Variants in PMP2 observed in about 807,000 individuals in gnomAD.
PMP2 encodes the protein peripheral myelin protein 2.
PMP2 carries 11 observed loss-of-function variants against 15.9 expected under a neutral mutation model. That is an observed-to-expected ratio of 0.69 (90% confidence interval 0.44 to 1.14). PMP2 has a LOEUF of 1.14. Among genes scored for constraint, PMP2 ranks in the 50% most tolerant of loss-of-function variants. The pLI, the probability that PMP2 is intolerant of heterozygous loss-of-function variation, is 0.00. For missense variants in PMP2, 151 were observed against 154.0 expected, an observed-to-expected ratio of 0.98 and a Z score of 0.10; for synonymous variants, 55 against 54.1, an observed-to-expected ratio of 1.02 and a Z score of -0.07.
intron 3 of PMP2, among the ~76,000 whole-genome samples, chr8:81,443,654 A>AT (rs957956671): frequency 8.5e-5 from 13 of 152,162 alleles, no homozygotes; most frequent in African/African-American, 2.9e-4. Context: ...CTGTAAAGGA[A>AT]TTTTTTTAAG....
In PMP2 at chr8:81,443,250, G is replaced by C; in HGVS notation, c.*148C>G. The C allele has an allele frequency of 1.9e-6, 1 of 530,476 alleles. No homozygotes were observed. The highest frequency in any genetic ancestry group is 1.9e-5 in the African/African-American group (1 of 51,404). The allele number at this position is 530,476 out of a possible 1,614,324, so 32.9% of individuals were successfully genotyped here. ...AATGTTTAAATAACACTGACTTTTA[G>C]ATTAATTCTCAGTTTAGGCCTTTGC... is the stretch of plus-strand genomic sequence containing the variant. On this transcript the variant is annotated 3_prime_UTR_variant, in exon 4 of 4. Transcript: ENST00000256103.
chr8:81,446,594 T>C (rs1016442892), intron 1 of PMP2, among the ~76,000 whole-genome samples: 41 of 152,218 alleles, frequency 2.7e-4, no homozygotes, highest in African/African-American at 9.6e-4. Flanking sequence ...TCTTCATATC[T>C]ATTGTGTTTA....
chr8:81,442,567 T>C lies in PMP2; in HGVS notation c.*831A>G, dbSNP rs560780375. Reference sequence around the variant, plus strand: ...AACAAACTACAGCTGCATGCAACAATGTGGATGTATCACAAAAACATGATG... The same window carrying C: ...AACAAACTACAGCTGCATGCAACAACGTGGATGTATCACAAAAACATGATG... On this transcript the variant is annotated 3_prime_UTR_variant, in exon 4 of 4. Coordinates refer to ENST00000256103, the MANE Select transcript of PMP2 (RefSeq NM_002677.5). The C allele has an allele frequency of 6.6e-6, 1 of 152,582 alleles. No homozygotes were observed. Among genetic ancestry groups the C allele is most frequent in the African/African-American group, 2.4e-5 (1 of 41,538 alleles). 9.5% of individuals were successfully genotyped at this position (152,582 alleles called of 1,614,324 possible).
At position 81,440,409 on chromosome 8, in the gene PMP2, C is replaced by T. The variant is rs758740603; in HGVS notation, c.*2989G>A. On this transcript the variant is annotated 3_prime_UTR_variant, in exon 4 of 4. Transcript: ENST00000256103. ...TATCACAAATCTCTAAAAATAACAA[C>T]GCAGTTTTTAAACTCGTATTTTGTG... 25 of 152,064 alleles carry T rather than the reference C, an allele frequency of 1.6e-4. No individual in the cohort carries two copies. Among genetic ancestry groups the T allele is most frequent in the Non-Finnish European group, 2.5e-4 (17 of 68,016 alleles). The allele number at this position is 152,064 out of a possible 1,614,324, so 9.4% of individuals were successfully genotyped here. A position where few individuals can be genotyped will look rare whatever the true frequency, so the allele number is the denominator to read the frequency against.
intron 1 of PMP2, among the ~76,000 whole-genome samples, chr8:81,446,417 C>T (rs1807451110): frequency 6.6e-6 from 1 of 152,160 alleles, no homozygotes; most frequent in African/African-American, 2.4e-5. Context: ...TCTTACTGTT[C>T]CAGGCAACAA....
rs777465835 is a variant in PMP2, at chr8:81,440,632, C to A, written c.*2766G>T. 6.6e-6 allele frequency: 1 copy of A among 152,060 alleles called. No homozygotes were observed. The highest frequency in any genetic ancestry group is 2.4e-5 in the African/African-American group (1 of 41,398). 9.4% of individuals were successfully genotyped at this position (152,060 alleles called of 1,614,324 possible). ...GACTGTCTCAAAGAAAACACATATA[C>A]CTTTTGCTCAGATTATTGTTAAATT... On this transcript the variant is annotated 3_prime_UTR_variant, in exon 4 of 4. Coordinates refer to ENST00000256103, the MANE Select transcript of PMP2 (RefSeq NM_002677.5).
chr8:81,445,833 G>GA (rs1270821624), intron 1 of PMP2, among the ~76,000 whole-genome samples: 2 of 151,682 alleles, frequency 1.3e-5, no homozygotes, highest in African/African-American at 2.4e-5. Context: ...TAGCTGGTAG[G>GA]AAAAAAACTA....
rs1807367464 is a variant in PMP2 at position 81,442,467 on chromosome 8, C to T, written c.*931G>A. The T allele has an allele frequency of 1.3e-5, 2 of 152,414 alleles. No individual in the cohort carries two copies. The highest frequency in any genetic ancestry group is 2.9e-5 in the Non-Finnish European group (2 of 67,942). 9.4% of individuals were successfully genotyped at this position (152,414 alleles called of 1,614,324 possible). On this transcript the variant is annotated 3_prime_UTR_variant, in exon 4 of 4. Coordinates refer to ENST00000256103, the MANE Select transcript of PMP2 (RefSeq NM_002677.5). The stretch of plus-strand genomic sequence containing the variant: ...CATAGCAGCCGAAAATTAGAAATAG[C>T]TCAATTGTCTTAATAGTAGAATGGA...
chr8:81,443,717 T>C (rs1335466696), intron 3 of PMP2, among the ~76,000 whole-genome samples: 1 of 152,096 alleles, frequency 6.6e-6, no homozygotes, highest in Non-Finnish European at 1.5e-5. Context: ...AAGACAGTGG[T>C]TTTCAAAAAT....
intron 3 of PMP2, among the ~76,000 whole-genome samples, chr8:81,443,979 AT>A (rs1405013397): frequency 3.3e-5 from 5 of 152,046 alleles, no homozygotes; most frequent in African/African-American, 7.2e-5. Flanking sequence ...AAAAAAAAAA[AT>A]CATCAAAGGT....
intron 3 of PMP2, 23 bp from the exon 4 acceptor site, chr8:81,443,471 TG>T: frequency 6.5e-7 from 1 of 1,528,786 alleles, no homozygotes. Context: ...AGAGGTTAAT[TG>T]AGTATCTCAA....
chr8:81,444,933 T>G lies in PMP2; in HGVS notation c.130A>C (p.Ser44Arg), dbSNP rs367715450. ...ATAGTTATAATATCTCCTTTCTTGC[T>G]GATGATCACAGTGGGTTTGGCCAAA... The part of the protein sequence containing the change: ...GNLAKPTVII[S>R]KKGDIITIRT... Residue 44 changes from serine to arginine, a missense_variant, in exon 2 of 4, where the codon AGC becomes CGC. By Grantham distance (110) the Ser-to-Arg change is moderately radical (BLOSUM62 -1). Coordinates refer to ENST00000256103, the MANE Select transcript of PMP2 (RefSeq NM_002677.5). 3.7e-5 allele frequency: 60 copies of G among 1,613,916 alleles called. 1 individual carries two copies. The highest frequency in any genetic ancestry group is 5.9e-6 in the Non-Finnish European group (7 of 1,179,908).
Position 81,444,896 on chromosome 8 carries a change from CT to C in PMP2, c.166del (p.Ser56ValfsTer12), listed in dbSNP as rs1423360197. ...KGDIITIRTE[S>X]TFKNTEISFK... ...GGAGATTTCTGTATTTTTAAAGGTA[CT>C]TTCAGTTCGTATAGTTATAATATCT... On this transcript the variant is annotated frameshift_variant, in exon 2 of 4. Coordinates refer to ENST00000256103, the MANE Select transcript of PMP2 (RefSeq NM_002677.5). LOFTEE classifies it high-confidence loss of function. 1 of 1,613,688 alleles carries C rather than the reference CT, an allele frequency of 6.2e-7. No individual in the cohort carries two copies. The highest frequency in any genetic ancestry group is 8.5e-7 in the Non-Finnish European group (1 of 1,179,584).
Position 81,443,432 on chromosome 8 carries a change from C to A in PMP2, c.365G>T (p.Gly122Val). 1 of 1,600,224 alleles carries A rather than the reference C, an allele frequency of 6.2e-7. No homozygotes were observed. The highest frequency in any genetic ancestry group is 8.5e-7 in the Non-Finnish European group (1 of 1,172,720). The change falls in exon 4 of 4, where the codon GGC becomes GTC. Residue 122 changes from glycine to valine, a missense_variant. Physicochemically the swap from Gly to Val is moderately radical, Grantham distance 109. Transcript: ENST00000256103. ...GKMVAECKMK[G>V]VVCTRIYEKV is the part of the protein sequence containing the mutation. Reference sequence around the variant, plus strand: ...CTCATAGATTCTGGTGCACACCACGCCCTTCATTTTACATTCCTTAAAAAA... The same window carrying A: ...CTCATAGATTCTGGTGCACACCACGACCTTCATTTTACATTCCTTAAAAAA...
Position 81,443,393 on chromosome 8 carries a change from A to T in PMP2, c.*5T>A. On this transcript the variant is annotated 3_prime_UTR_variant, in exon 4 of 4. Transcript: ENST00000256103. The stretch of plus-strand genomic sequence containing the variant: ...AAAAAGCCACTTCAATGAAGAAATG[A>T]TTTTTCAGACCTTCTCATAGATTCT... The T allele has an allele frequency of 6.3e-7, 1 of 1,587,112 alleles. No individual in the cohort carries two copies. Among genetic ancestry groups the T allele is most frequent in the Non-Finnish European group, 8.6e-7 (1 of 1,164,092 alleles).
chr8:81,444,328 A>C (rs568105379), intron 3 of PMP2, among the ~76,000 whole-genome samples, 172 bp downstream of exon 3: 1 of 152,312 alleles, frequency 6.6e-6, no homozygotes, highest in East Asian at 1.9e-4. Context: ...TTGGGTCAGT[A>C]CTTGAAGATG....
chr8:81,446,604 A>G (rs1228514698), intron 1 of PMP2, among the ~76,000 whole-genome samples: 1 of 152,210 alleles, frequency 6.6e-6, no homozygotes, highest in Non-Finnish European at 1.5e-5. Flanking sequence ...TATTGTGTTT[A>G]TATCGATGGG....
chr8:81,441,566 ATATC>A lies in PMP2; in HGVS notation c.*1828_*1831del, dbSNP rs1159995176. On this transcript the variant is annotated 3_prime_UTR_variant, in exon 4 of 4. Coordinates refer to ENST00000256103, the MANE Select transcript of PMP2 (RefSeq NM_002677.5). Reference sequence around the variant, plus strand: ...TCTATCTATCTATCTATCTATCTATATATCTATCTATCATCTGTCAGTCATCTAC... The same window carrying A: ...TCTATCTATCTATCTATCTATCTATATATCTATCATCTGTCAGTCATCTAC... 5.9e-5 allele frequency: 8 copies of A among 136,472 alleles called. No individual in the cohort carries two copies. Among genetic ancestry groups the A allele is most frequent in the East Asian group, 2.1e-4 (1 of 4,686 alleles). 8.5% of individuals were successfully genotyped at this position (136,472 alleles called of 1,614,324 possible).
intron 1 of PMP2, among the ~76,000 whole-genome samples, chr8:81,445,197 A>G (rs1041975517): frequency 9.2e-5 from 14 of 152,136 alleles, no homozygotes; most frequent in African/African-American, 3.4e-4. Context: ...TTGCAAAAGT[A>G]AAGTCTGCAG....
Sources: allele counts gnomAD v4.1 joint callset (sites outside exome capture counted in the v4.1 genomes callset), GRCh38; gene constraint gnomAD v4.1.1; transcripts MANE v1.5; gene names NCBI Gene and HGNC (gene_info 2026-07-23, HGNC 2026-07-21).